PPFIBP1: variants seen among roughly 807,000 people sequenced by gnomAD.
PPFIBP1 encodes PPFIB scaffold protein 1.
Under a neutral mutation model 137.8 loss-of-function variants are expected in PPFIBP1, and 112 were observed. The observed-to-expected ratio is 0.81, with a 90% CI of 0.70 to 0.95. The LOEUF (loss-of-function observed/expected upper bound fraction) is 0.95. Among genes scored for constraint, PPFIBP1 ranks in the 40% least tolerant of loss-of-function variants. The pLI is 0.00. For synonymous variants in PPFIBP1, 378 were observed against 417.3 expected (o/e 0.91, Z 1.15); for missense variants, 1,083 against 1,196.6 (o/e 0.91, Z 1.40).
chr12:27,585,275 C>T (rs534755200), intron 2 of PPFIBP1, among the ~76,000 whole-genome samples: 1 of 152,280 alleles, frequency 6.6e-6, no homozygotes, highest in Non-Finnish European at 1.5e-5. Flanking sequence ...AGTCTGTAGT[C>T]AGAGAAGTAG....
chr12:27,549,419 C>T (rs1034857515), intron 1 of PPFIBP1: 12 of 152,172 alleles, frequency 7.9e-5, no homozygotes, highest in South Asian at 2.1e-4. Flanking sequence ...TTCTACAGTC[C>T]GGATGAGGAA....
intron 1 of PPFIBP1, chr12:27,549,527 T>C (rs1592386876): frequency 6.7e-6 from 1 of 150,140 alleles, no homozygotes; most frequent in East Asian, 2.0e-4. Context: ...AGAGAAATAA[T>C]TGTTGTTGGG....
In PPFIBP1 at chr12:27,671,547, G is replaced by C; in HGVS notation, c.1262+1G>C. ...AGCCAGAGACTTCATTTGAAGAAAA[G>C]TATGTCATTTATTAACAGTGCAATA... On this transcript the variant is annotated splice_donor_variant, in intron 14 of 29. Coordinates refer to ENST00000228425, the MANE Select transcript of PPFIBP1 (RefSeq NM_003622.4). LOFTEE classifies it high-confidence loss of function. 1 of 1,536,962 alleles carries C rather than the reference G, an allele frequency of 6.5e-7. No individual in the cohort carries two copies. Among genetic ancestry groups the C allele is most frequent in the Non-Finnish European group, 8.9e-7 (1 of 1,127,980 alleles).
At chr12:27,664,542 A>G in intron 12 of PPFIBP1, 96 bp downstream of exon 12, 1 of 781,948 alleles carries the variant, frequency 1.3e-6, no homozygotes, top group South Asian at 1.5e-5. Flanking sequence ...GATCATACCC[A>G]TTGTCCCAAA....
intron 2 of PPFIBP1, among the ~76,000 whole-genome samples, chr12:27,617,999 C>G (rs1407599759): frequency 6.6e-6 from 1 of 152,198 alleles, no homozygotes; most frequent in Non-Finnish European, 1.5e-5. Flanking sequence ...CTCTGCCTCC[C>G]TCATTCCCTC....
At chr12:27,619,215 A>G (rs1249337249) in intron 2 of PPFIBP1, among the ~76,000 whole-genome samples, 1 of 152,180 alleles carries the variant, frequency 6.6e-6, no homozygotes, top group African/African-American at 2.4e-5. Context: ...AGTCCCTGAT[A>G]TAAAATGGCA....
At chr12:27,572,073 G>A (rs1361910779) in intron 1 of PPFIBP1, among the ~76,000 whole-genome samples, 1 of 152,036 alleles carries the variant, frequency 6.6e-6, no homozygotes, top group African/African-American at 2.4e-5. Context: ...CTACTCTAAA[G>A]TTCTTGCCCC....
At chr12:27,688,964 T>C (rs752713533) in intron 26 of PPFIBP1, 51 bp from the exon 27 acceptor site, 1 of 1,545,972 alleles carries the variant, frequency 6.5e-7, no homozygotes, top group African/African-American at 1.4e-5. Flanking sequence ...AATACAAACA[T>C]GTATGATTTG....
intron 1 of PPFIBP1, among the ~76,000 whole-genome samples, chr12:27,563,528 C>A (rs2049362641): frequency 6.6e-6 from 1 of 150,766 alleles, no homozygotes; most frequent in Non-Finnish European, 1.5e-5. Flanking sequence ...AGAGACTGGG[C>A]ACAAAGAGAA....
chr12:27,645,763 T>G (rs1279773463), intron 4 of PPFIBP1, among the ~76,000 whole-genome samples: 1 of 152,006 alleles, frequency 6.6e-6, no homozygotes, highest in Admixed American at 6.5e-5. Flanking sequence ...TGCCTGCCCC[T>G]GGGTGTGTGT....
At chr12:27,589,128 A>G (rs1365981126) in intron 2 of PPFIBP1, among the ~76,000 whole-genome samples, 2 of 152,356 alleles carry the variant, frequency 1.3e-5, no homozygotes, top group South Asian at 2.1e-4. Flanking sequence ...GTTGTCCTGC[A>G]TGCTATATAA....
At chr12:27,545,688 A>G (rs1482840155) in intron 1 of PPFIBP1, among the ~76,000 whole-genome samples, 1 of 152,240 alleles carries the variant, frequency 6.6e-6, no homozygotes, top group Non-Finnish European at 1.5e-5. Context: ...ACATTTTTGC[A>G]CTGCAGAAAC....
chr12:27,658,096 C>T (rs1230497696), intron 9 of PPFIBP1, among the ~76,000 whole-genome samples: 1 of 146,670 alleles, frequency 6.8e-6, no homozygotes, highest in Non-Finnish European at 1.5e-5. Context: ...ATGACTGTGT[C>T]ACTGCACTTC....
intron 2 of PPFIBP1, among the ~76,000 whole-genome samples, chr12:27,599,785 C>A (rs928382673): frequency 5.3e-5 from 8 of 152,184 alleles, no homozygotes; most frequent in Non-Finnish European, 1.0e-4. Context: ...AAATATCTGA[C>A]AAACTCCATT....
chr12:27,545,918 A>G (rs1946195252), intron 1 of PPFIBP1, among the ~76,000 whole-genome samples: 1 of 152,184 alleles, frequency 6.6e-6, no homozygotes, highest in African/African-American at 2.4e-5. Context: ...GTAGTCGTAT[A>G]ACTTGATCCC....
Position 27,692,032 on chromosome 12 carries a change from C to A in PPFIBP1, c.2865+104C>A, listed in dbSNP as rs373769127. ...GATCAAGGACATTTTCTTCAAATAACTAAAAATACAGATAATAATAGTGAA... is the reference window on the plus strand; with the variant it reads ...GATCAAGGACATTTTCTTCAAATAAATAAAAATACAGATAATAATAGTGAA... On this transcript the variant is annotated intron_variant, in intron 28 of 29. Coordinates refer to ENST00000228425, the MANE Select transcript of PPFIBP1 (RefSeq NM_003622.4). 1.2e-5 allele frequency: 12 copies of A among 997,644 alleles called. No homozygotes were observed. The East Asian group carries it at 2.8e-4, about 23-fold the overall frequency. The allele number at this position is 997,644 out of a possible 1,614,324, so 61.8% of individuals were successfully genotyped here. A position where few individuals can be genotyped will look rare whatever the true frequency, so the allele number is the denominator to read the frequency against.
At chr12:27,624,786 G>A (rs555939912) in intron 2 of PPFIBP1, among the ~76,000 whole-genome samples, 10 of 152,320 alleles carry the variant, frequency 6.6e-5, no homozygotes, top group African/African-American at 2.4e-4. Context: ...GGTGGTTAAA[G>A]TAACAAGTGT....
chr12:27,551,463 A>G (rs1946768670), intron 1 of PPFIBP1, among the ~76,000 whole-genome samples: 1 of 152,246 alleles, frequency 6.6e-6, no homozygotes. Flanking sequence ...CCCAAGAGCA[A>G]CAGAGGAGGT....
chr12:27,665,799 T>G (rs772033689), intron 12 of PPFIBP1, among the ~76,000 whole-genome samples: 13 of 152,120 alleles, frequency 8.5e-5, no homozygotes, highest in South Asian at 8.3e-4. Flanking sequence ...TCAGGATTTT[T>G]GAAAAAAAAA....
Sources: gnomAD v4.1 joint callset for allele counts (sites outside exome capture counted in the v4.1 genomes callset) on GRCh38, gnomAD v4.1.1 for gene constraint, MANE v1.5 for transcripts, NCBI Gene and HGNC (gene_info 2026-07-23, HGNC 2026-07-21) for gene names.